The following HEPACAM variants were observed in gnomAD, a reference collection of about 807,000 sequenced individuals.
HEPACAM encodes the protein hepatic and glial cell adhesion molecule, also known as hepatocyte cell adhesion molecule.
HEPACAM carries 18 observed loss-of-function variants against 38.3 expected under a neutral mutation model. The ratio of observed to expected loss-of-function variants is 0.47; its 90% CI spans 0.33 to 0.70. The LOEUF is 0.70. HEPACAM is among the 30% of genes least tolerant of loss of function. The probability of loss-of-function intolerance (pLI) is 0.03; values close to 1 mark genes in which losing one functional copy is unlikely to be tolerated. For missense variants in HEPACAM, 466 were observed against 563.0 expected, an observed-to-expected ratio of 0.83 and a Z score of 1.74; for synonymous variants, 216 against 243.1, an observed-to-expected ratio of 0.89 and a Z score of 1.04.
intron 1 of HEPACAM, among the ~76,000 whole-genome samples, chr11:124,932,969 T>C (rs1947296211): frequency 6.6e-6 from 1 of 152,084 alleles, no homozygotes; most frequent in Non-Finnish European, 1.5e-5. Flanking sequence ...GGCTATCACA[T>C]AGTTACTGCC....
chr11:124,926,144 G>A (rs2135401285), intron 1 of HEPACAM, among the ~76,000 whole-genome samples: 1 of 152,346 alleles, frequency 6.6e-6, no homozygotes, highest in South Asian at 2.1e-4. Flanking sequence ...AGAGGTTGCA[G>A]TGAGCTGAGA....
rs1161360924 is a variant in HEPACAM at position 124,922,389 on chromosome 11, T to G, written c.947A>C (p.Lys316Thr). The stretch of plus-strand genomic sequence containing the variant: ...GGCACCCAGTCCAGAGCCGCTCACC[T>G]TGTCCTTCAGGATATAGAGTGCCAT... ...NPMALYILKD[K>T]DSPETEENPA... Residue 316 changes from lysine to threonine, a missense_variant and splice_region_variant, in exon 6 of 7, where the codon AAG (lysine) becomes ACG (threonine). Transcript: ENST00000298251. 6.2e-7 allele frequency: 1 copy of G among 1,613,986 alleles called. No individual in the cohort carries two copies. Among genetic ancestry groups the G allele is most frequent in the Non-Finnish European group, 8.5e-7 (1 of 1,179,872 alleles).
In HEPACAM at chr11:124,924,701, G is replaced by T; in HGVS notation, c.427+27C>A. The stretch of plus-strand genomic sequence containing the variant: ...TTCCCTAGTCCCACCTGCCAGTCTT[G>T]CCTCTTTCCCTGCCAGAGCGCTTTA... On this transcript the variant is annotated intron_variant, in intron 2 of 6. Coordinates refer to ENST00000298251, the MANE Select transcript of HEPACAM (RefSeq NM_152722.5). The surrounding 1 kb of genome is among the most constrained non-coding windows in gnomAD (Gnocchi z 4.4). 2 of 1,593,884 alleles carry T rather than the reference G, an allele frequency of 1.3e-6. No individual in the cohort carries two copies. Among genetic ancestry groups the T allele is most frequent in the Non-Finnish European group, 1.7e-6 (2 of 1,161,756 alleles).
At chr11:124,927,890 C>CA in intron 1 of HEPACAM, among the ~76,000 whole-genome samples, 1 of 151,918 alleles carries the variant, frequency 6.6e-6, no homozygotes, top group East Asian at 1.9e-4. Flanking sequence ...GACTCTCTCT[C>CA]AAAAAATAAA....
rs1947142672 is a variant in HEPACAM at position 124,921,794 on chromosome 11, C to CAA, written c.949-355_949-354insTT. On this transcript the variant is annotated intron_variant, in intron 6 of 6. Transcript: ENST00000298251. The surrounding 1 kb of genome is among the most constrained non-coding windows in gnomAD (Gnocchi z 4.6). ...ACCTAGGTTTGAAACCTAGATCTGCCACTCATTGACTTGTTTAATCCTGAG... is the reference window on the plus strand; with the variant it reads ...ACCTAGGTTTGAAACCTAGATCTGCCAAACTCATTGACTTGTTTAATCCTGAG... 5.9e-5 allele frequency among the ~76,000 whole-genome samples: 9 copies of CAA among 152,162 alleles called. No homozygotes were observed. The highest frequency in any genetic ancestry group is 1.3e-4 in the Non-Finnish European group (9 of 68,038).
In HEPACAM at chr11:124,924,625, T is replaced by G. The variant is rs1208658811; in HGVS notation, c.427+103A>C. 7 of 1,000,978 alleles carry G rather than the reference T, an allele frequency of 7.0e-6. No homozygotes were observed. In the East Asian group the frequency reaches 1.7e-4, roughly 24 times the overall value. 62.0% of individuals were successfully genotyped at this position (1,000,978 alleles called of 1,614,324 possible). On this transcript the variant is annotated intron_variant, in intron 2 of 6. Coordinates refer to ENST00000298251, the MANE Select transcript of HEPACAM (RefSeq NM_152722.5). The surrounding 1 kb of genome is among the most constrained non-coding windows in gnomAD (Gnocchi z 4.4). ...ACTTGCCTCATTCTCAGCTCCCAAG[T>G]GCCTTTTGGGTTGGTTTTCCCTCAG...
intron 1 of HEPACAM, among the ~76,000 whole-genome samples, chr11:124,927,054 T>C (rs1947221979): frequency 6.6e-6 from 1 of 152,036 alleles, no homozygotes; most frequent in African/African-American, 2.4e-5. Flanking sequence ...TATTTTTTAG[T>C]AGAGACGGGG....
chr11:124,924,587 A>G lies in HEPACAM; in HGVS notation c.427+141T>C, dbSNP rs1351843737. The G allele has an allele frequency of 1.0e-5, 8 of 797,158 alleles. No individual in the cohort carries two copies. The highest frequency in any genetic ancestry group is 2.2e-6 in the Non-Finnish European group (1 of 444,864). 49.4% of individuals were successfully genotyped at this position (797,158 alleles called of 1,614,324 possible). On this transcript the variant is annotated intron_variant, in intron 2 of 6. Transcript: ENST00000298251. The surrounding 1 kb of genome is among the most constrained non-coding windows in gnomAD (Gnocchi z 4.4). ...TTAGCTGTGCTGTGCCTGTCTGCCA[A>G]CTTCTAATGTCCACTTGCCTCATTC...
In HEPACAM at chr11:124,923,736, G is replaced by A. The variant is rs143069676; in HGVS notation, c.702C>T (p.Thr234=). The change falls in exon 3 of 7, where the codon ACC becomes ACT. Residue 234 remains threonine (T), a synonymous_variant. Transcript: ENST00000298251. ...SQGRSLPVKI[T]VYRRSSLYII... ...GCCTGCGGGGAAACTCACTGTATACGGTGATCTTGACAGGCAGGCTGCGGC... is the reference window on the plus strand; with the variant it reads ...GCCTGCGGGGAAACTCACTGTATACAGTGATCTTGACAGGCAGGCTGCGGC... 9.2e-5 allele frequency: 149 copies of A among 1,614,074 alleles called. No homozygotes were observed. The African/African-American group carries it at 1.5e-3, about 16-fold the overall frequency.
chr11:124,926,387 A>G (rs1268147922), intron 1 of HEPACAM, among the ~76,000 whole-genome samples: 1 of 152,180 alleles, frequency 6.6e-6, no homozygotes, highest in Non-Finnish European at 1.5e-5. Flanking sequence ...CAGATTCCCT[A>G]CAGATAAAAG....
chr11:124,920,297 G>A lies in HEPACAM; in HGVS notation c.*841C>T, dbSNP rs1947109505. On this transcript the variant is annotated 3_prime_UTR_variant, in exon 7 of 7. Coordinates refer to ENST00000298251, the MANE Select transcript of HEPACAM (RefSeq NM_152722.5). ...ATGAGCTAAAACAGTTCCTCATTTG[G>A]TCTAGTTTTCGGGCCAGGGGAGTAA... 3.4e-6 allele frequency: 4 copies of A among 1,186,256 alleles called. No homozygotes were observed. The highest frequency in any genetic ancestry group is 3.0e-5 in the South Asian group (2 of 66,720). The allele number at this position is 1,186,256 out of a possible 1,614,324, so 73.5% of individuals were successfully genotyped here. A position where few individuals can be genotyped will look rare whatever the true frequency, so the allele number is the denominator to read the frequency against.
chr11:124,929,886 T>G (rs1947262049), intron 1 of HEPACAM, among the ~76,000 whole-genome samples: 2 of 152,216 alleles, frequency 1.3e-5, no homozygotes, highest in Non-Finnish European at 2.9e-5. Flanking sequence ...GGGCCAAAGT[T>G]TCCTTTCGCC....
Position 124,921,156 on chromosome 11 carries a change from C to T in HEPACAM, c.1233G>A (p.Pro411=), listed in dbSNP as rs937453909. Residue 411 remains proline (P), a synonymous_variant, in exon 7 of 7, where the codon CCG becomes CCA. Coordinates refer to ENST00000298251, the MANE Select transcript of HEPACAM (RefSeq NM_152722.5). The surrounding 1 kb of genome is among the most constrained non-coding windows in gnomAD (Gnocchi z 4.6). ...AGGCGGCTCAGGCGCTGATCTCCAC[C>T]GGGCCGGCCTCGTCTTGCTCGCGGA... ...HIIREQDEAG[P]VEISA is the part of the protein sequence containing the mutation. 2.0e-6 allele frequency: 3 copies of T among 1,527,648 alleles called. No individual in the cohort carries two copies. Among genetic ancestry groups the T allele is most frequent in the Non-Finnish European group, 1.7e-6 (2 of 1,144,378 alleles). The allele number at this position is 1,527,648 out of a possible 1,614,324, so 94.6% of individuals were successfully genotyped here. A position where few individuals can be genotyped will look rare whatever the true frequency, so the allele number is the denominator to read the frequency against.
chr11:124,934,607 C>T (rs919042991), intron 1 of HEPACAM, among the ~76,000 whole-genome samples: 6 of 151,850 alleles, frequency 4.0e-5, no homozygotes, highest in African/African-American at 1.5e-4. Context: ...TAAGGCAGAG[C>T]CCTCCCTAGA....
chr11:124,935,872 A>G (rs1295836633), intron 1 of HEPACAM, 50 bp downstream of exon 1: 1 of 1,549,098 alleles, frequency 6.5e-7, no homozygotes, highest in East Asian at 2.2e-5. Flanking sequence ...GTCTGCTGTA[A>G]AAGCCCCGGG....
chr11:124,933,686 T>C (rs1171760952), intron 1 of HEPACAM, among the ~76,000 whole-genome samples: 1 of 152,176 alleles, frequency 6.6e-6, no homozygotes, highest in African/African-American at 2.4e-5. Flanking sequence ...CCTTCAGCTC[T>C]CATTATTTCT....
In HEPACAM at chr11:124,931,146, T is replaced by C. The variant is rs74610952; in HGVS notation, c.85+4776A>G. Among the ~76,000 whole-genome samples, 169 of 152,374 alleles carry C rather than the reference T, an allele frequency of 1.1e-3. 1 individual carries two copies. In the East Asian group the frequency reaches 0.024, roughly 22 times the overall value. ...TTTAAACTCCCACAAGTTCACAATT[T>C]TAAAGAAATTCAAACAACACAATAG... On this transcript the variant is annotated intron_variant, in intron 1 of 6. Transcript: ENST00000298251.
Position 124,936,027 on chromosome 11 carries a change from T to C in HEPACAM, c.-21A>G, listed in dbSNP as rs777981769. ...TTCATTTTGGGTGGCGTTCTCCAGC[T>C]CTAGTGCAGACAATTAGCATGATTT... On this transcript the variant is annotated 5_prime_UTR_variant, in exon 1 of 7. Coordinates refer to ENST00000298251, the MANE Select transcript of HEPACAM (RefSeq NM_152722.5). 1.2e-6 allele frequency: 2 copies of C among 1,605,152 alleles called. No homozygotes were observed. Among genetic ancestry groups the C allele is most frequent in the South Asian group, 2.2e-5 (2 of 90,782 alleles).
Position 124,920,008 on chromosome 11 carries a change from G to A in HEPACAM, c.*1130C>T, listed in dbSNP as rs369205712. On this transcript the variant is annotated 3_prime_UTR_variant, in exon 7 of 7. Coordinates refer to ENST00000298251, the MANE Select transcript of HEPACAM (RefSeq NM_152722.5). The stretch of plus-strand genomic sequence containing the variant: ...AGCGGCCCAGCCTCTTTATTTTGAT[G>A]TTAGTGTGATTAGGGAGTCTGCCCT... The A allele has an allele frequency of 6.8e-6, 11 of 1,612,532 alleles. No homozygotes were observed. The highest frequency in any genetic ancestry group is 9.3e-6 in the Non-Finnish European group (11 of 1,179,818).
Sources: gnomAD v4.1 joint callset for allele counts (sites outside exome capture counted in the v4.1 genomes callset) on GRCh38, gnomAD v4.1.1 for gene constraint, Gnocchi (gnomAD v3.1) non-coding constraint, MANE v1.5 for transcripts, NCBI Gene and HGNC (gene_info 2026-07-23, HGNC 2026-07-21) for gene names.